Variants in CDK14 observed in about 807,000 individuals in gnomAD.
The protein encoded by CDK14 is cyclin dependent kinase 14.
In CDK14, 34 loss-of-function variants were observed where a neutral mutation model predicts 60.7. The ratio of observed to expected loss-of-function variants is 0.56; its 90% CI spans 0.43 to 0.75. The LOEUF (loss-of-function observed/expected upper bound fraction) is 0.75, where lower values mean the gene tolerates loss of function less well. Among genes scored for constraint, CDK14 ranks in the 30% least tolerant of loss-of-function variants. CDK14 has a pLI of 0.00. For synonymous variants in CDK14, 197 were observed against 203.7 expected (o/e 0.97, Z 0.28); for missense variants, 482 against 564.1 (o/e 0.85, Z 1.47).
At chr7:90,827,332 G>A (rs1789760368) in intron 5 of CDK14, among the ~76,000 whole-genome samples, 1 of 152,128 alleles carries the variant, frequency 6.6e-6, no homozygotes, top group Non-Finnish European at 1.5e-5. Flanking sequence ...ATGTACCACA[G>A]TTTATTTATT....
At chr7:90,699,040 A>G (rs993553620) in intron 2 of CDK14, among the ~76,000 whole-genome samples, 6 of 152,370 alleles carry the variant, frequency 3.9e-5, no homozygotes, top group African/African-American at 9.6e-5. Flanking sequence ...AAATATCAAG[A>G]AGGCCTGTAG....
At chr7:91,021,345 C>A (rs1796429610) in intron 10 of CDK14, among the ~76,000 whole-genome samples, 1 of 152,162 alleles carries the variant, frequency 6.6e-6, no homozygotes. Context: ...GTAATAATAT[C>A]TACCTGATAG....
chr7:90,878,550 G>T (rs1327029176), intron 6 of CDK14, among the ~76,000 whole-genome samples: 2 of 151,760 alleles, frequency 1.3e-5, no homozygotes, highest in Non-Finnish European at 2.9e-5. Context: ...TCATCTGGAA[G>T]ATCCATCCTG....
chr7:91,102,759 G>A (rs536678768), intron 12 of CDK14, among the ~76,000 whole-genome samples: 25 of 151,536 alleles, frequency 1.6e-4, no homozygotes, highest in South Asian at 6.3e-4. Context: ...GACATCTTCC[G>A]GGGGATGTAT....
chr7:90,716,067 G>A (rs1802240593), intron 2 of CDK14, among the ~76,000 whole-genome samples: 1 of 151,920 alleles, frequency 6.6e-6, no homozygotes, highest in Admixed American at 6.6e-5. Flanking sequence ...GCATATAATT[G>A]TGGATGTCAA....
chr7:90,840,718 G>A lies in CDK14; in HGVS notation c.545-22457G>A, dbSNP rs571059074. Among the ~76,000 whole-genome samples the A allele has an allele frequency of 2.6e-5, 4 of 152,224 alleles. No individual in the cohort carries two copies. The East Asian group carries it at 7.7e-4, about 29-fold the overall frequency. ...TACCTTTCTCTTTATCCTTTTTCCT[G>A]TTTTATTCACTTCCACTTTGATGCA... is the stretch of plus-strand genomic sequence containing the variant. On this transcript the variant is annotated intron_variant, in intron 5 of 14. Transcript: ENST00000380050.
At chr7:90,683,920 GTGTGTGTGTGTGTA>G (rs1327687888) in intron 2 of CDK14, among the ~76,000 whole-genome samples, 11 of 151,954 alleles carry the variant, frequency 7.2e-5, no homozygotes, top group African/African-American at 2.4e-4. Flanking sequence ...GTGTGTGTGT[GTGTGTGTGTGTGTA>G]TGCATTCATA....
In CDK14 at chr7:90,856,868, G is replaced by C. The variant is rs532325102; in HGVS notation, c.545-6307G>C. Among the ~76,000 whole-genome samples, 274 of 152,158 alleles carry C rather than the reference G, an allele frequency of 1.8e-3. 1 individual carries two copies. The highest frequency in any genetic ancestry group is 2.8e-3 in the Non-Finnish European group (188 of 67,988). On this transcript the variant is annotated intron_variant, in intron 5 of 14. Coordinates refer to ENST00000380050, the MANE Select transcript of CDK14 (RefSeq NM_001287135.2). ...AGCTTGAGATATAGTTGGGTCCTTA[G>C]GTTTCATGAGTAGTCATTCTGGGAA...
chr7:91,199,940 G>A (rs1802666183), intron 14 of CDK14, among the ~76,000 whole-genome samples: 1 of 152,188 alleles, frequency 6.6e-6, no homozygotes, highest in Admixed American at 6.5e-5. Context: ...GGGGGAAGAA[G>A]CATGATTATC....
chr7:90,649,361 C>CTTCCTTCTTTCT (rs1800562296), intron 2 of CDK14, among the ~76,000 whole-genome samples: 1 of 39,642 alleles, frequency 2.5e-5, no homozygotes, highest in Non-Finnish European at 4.1e-5. Flanking sequence ...TCCTTCCTTC[C>CTTCCTTCTTTCT]TTCCTTTCCT....
At chr7:90,779,261 A>C (rs1381724277) in intron 4 of CDK14, among the ~76,000 whole-genome samples, 1 of 152,134 alleles carries the variant, frequency 6.6e-6, no homozygotes, top group Admixed American at 6.6e-5. Flanking sequence ...TCAAAAAAAG[A>C]AAAAAATATA....
At chr7:90,969,782 C>T (rs995664862) in intron 9 of CDK14, among the ~76,000 whole-genome samples, 19 of 151,700 alleles carry the variant, frequency 1.3e-4, no homozygotes, top group African/African-American at 4.6e-4. Context: ...TTTCATTTTT[C>T]TTTTTTTTCT....
At chr7:90,695,359 G>A (rs1278188032) in intron 2 of CDK14, among the ~76,000 whole-genome samples, 1 of 152,154 alleles carries the variant, frequency 6.6e-6, no homozygotes, top group Non-Finnish European at 1.5e-5. Context: ...TGTATTAAAA[G>A]TAATAAACAA....
chr7:91,182,568 A>G, intron 14 of CDK14, among the ~76,000 whole-genome samples: 1 of 151,960 alleles, frequency 6.6e-6, no homozygotes, highest in South Asian at 2.1e-4. Flanking sequence ...AAAAAATAGG[A>G]TATATATATA....
chr7:91,012,167 A>T, intron 10 of CDK14, among the ~76,000 whole-genome samples: 1 of 152,154 alleles, frequency 6.6e-6, no homozygotes, highest in South Asian at 2.1e-4. Flanking sequence ...CATTTAGCCT[A>T]GGATAAATTT....
intron 2 of CDK14, among the ~76,000 whole-genome samples, chr7:90,714,563 A>G (rs763068637): frequency 2.6e-5 from 4 of 152,126 alleles, no homozygotes; most frequent in East Asian, 1.9e-4. Flanking sequence ...TTAAAGCAAC[A>G]TTGAAAGATA....
chr7:90,599,382 G>T (rs191618524), intron 1 of CDK14, among the ~76,000 whole-genome samples: 7 of 152,234 alleles, frequency 4.6e-5, no homozygotes, highest in African/African-American at 1.4e-4. Flanking sequence ...GCCTTAAAAC[G>T]GAGTTAGGCA....
chr7:91,069,359 A>G lies in CDK14; in HGVS notation c.1106-10073A>G, dbSNP rs77144567. 3.4e-4 allele frequency among the ~76,000 whole-genome samples: 51 copies of G among 152,208 alleles called. No individual in the cohort carries two copies. In the East Asian group the frequency reaches 9.9e-3, roughly 29 times the overall value. Reference sequence around the variant, plus strand: ...TTTGTGACCAGCCTGAGCAACAGTGAGATGCCATCTCTAAAAATAGATAAA... The same window carrying G: ...TTTGTGACCAGCCTGAGCAACAGTGGGATGCCATCTCTAAAAATAGATAAA... On this transcript the variant is annotated intron_variant, in intron 11 of 14. Coordinates refer to ENST00000380050, the MANE Select transcript of CDK14 (RefSeq NM_001287135.2).
At chr7:90,649,258 TTC>T (rs1358137590) in intron 2 of CDK14, among the ~76,000 whole-genome samples, 10 of 25,636 alleles carry the variant, frequency 3.9e-4, no homozygotes, top group Non-Finnish European at 5.8e-4. Flanking sequence ...CTTTCTTTCT[TTC>T]TTTCTTTCTT....
Sources: allele counts gnomAD v4.1 joint callset (sites outside exome capture counted in the v4.1 genomes callset), GRCh38; gene constraint gnomAD v4.1.1; transcripts MANE v1.5; gene names NCBI Gene and HGNC (gene_info 2026-07-23, HGNC 2026-07-21).